MRPS6: variants seen among roughly 807,000 people sequenced by gnomAD.
MRPS6 encodes mitochondrial ribosomal protein S6, also known as small ribosomal subunit protein bS6m.
In MRPS6, 6 loss-of-function variants were observed where a neutral mutation model predicts 13.1. That is an observed-to-expected ratio of 0.46 (90% confidence interval 0.25 to 0.91). The LOEUF is 0.91. MRPS6 is among the 40% of genes least tolerant of loss of function. The pLI is 0.18. For synonymous variants in MRPS6, 61 were observed against 56.5 expected (o/e 1.08, Z -0.36); for missense variants, 164 against 155.6 (o/e 1.05, Z -0.29).
At chr21:34,122,369 TC>T (rs908509540) in intron 1 of MRPS6, 2 of 152,228 alleles carry the variant, frequency 1.3e-5, no homozygotes, top group Non-Finnish European at 2.9e-5. Context: ...CTTCCACCTT[TC>T]GTTTTATACT....
intron 1 of MRPS6, chr21:34,101,375 C>A (rs754253621): frequency 5.0e-6 from 5 of 1,000,068 alleles, no homozygotes; most frequent in Non-Finnish European, 6.0e-6. Flanking sequence ...AGTTTGTTAC[C>A]ACAGTAGAGA....
At chr21:34,113,647 C>G (rs1021278003) in intron 1 of MRPS6, among the ~76,000 whole-genome samples, 1 of 152,168 alleles carries the variant, frequency 6.6e-6, no homozygotes, top group Non-Finnish European at 1.5e-5. Context: ...TGCAGTTGGC[C>G]TAGTTGATGG....
At position 34,115,439 on chromosome 21, in the gene MRPS6, T is replaced by A. The variant is rs568938097; in HGVS notation, c.46-9902T>A. Among the ~76,000 whole-genome samples, 3 of 152,326 alleles carry A rather than the reference T, an allele frequency of 2.0e-5. No individual in the cohort carries two copies. In the East Asian group the frequency reaches 5.8e-4, roughly 29 times the overall value. On this transcript the variant is annotated intron_variant, in intron 1 of 2. Transcript: ENST00000399312. The stretch of plus-strand genomic sequence containing the variant: ...ATCACGTCTTTTTGGTGCACTCTGA[T>A]TCTGGGACCAGTACTTCTGGATTCC...
At chr21:34,130,582 TGTA>T (rs1286774576) in intron 2 of MRPS6, among the ~76,000 whole-genome samples, 41 of 152,160 alleles carry the variant, frequency 2.7e-4, no homozygotes, top group Non-Finnish European at 3.4e-4. Flanking sequence ...GTTTGGGCCA[TGTA>T]GTAGAGAGTT....
chr21:34,087,886 C>T (rs1978477535), intron 1 of MRPS6, among the ~76,000 whole-genome samples: 1 of 152,208 alleles, frequency 6.6e-6, no homozygotes, highest in Non-Finnish European at 1.5e-5. Flanking sequence ...CGCCAACAGG[C>T]TTTGCTGATG....
chr21:34,098,692 T>C (rs914922875), intron 1 of MRPS6: 6 of 999,666 alleles, frequency 6.0e-6, no homozygotes, highest in East Asian at 2.3e-4. Context: ...TTGTGGAGGG[T>C]ATTACAGGAC....
chr21:34,122,016 A>C (rs62212128), intron 1 of MRPS6, among the ~76,000 whole-genome samples: 2 of 152,260 alleles, frequency 1.3e-5, no homozygotes, highest in Admixed American at 1.3e-4. Context: ...TACACCCTCT[A>C]TACGTCAGTC....
chr21:34,094,627 TGAGGTA>T (rs1328733462), intron 1 of MRPS6, among the ~76,000 whole-genome samples: 1 of 152,258 alleles, frequency 6.6e-6, no homozygotes, highest in Non-Finnish European at 1.5e-5. Context: ...CACTTAGTTA[TGAGGTA>T]GATGAATTTC....
intron 1 of MRPS6, among the ~76,000 whole-genome samples, chr21:34,111,177 T>G (rs1979684226): frequency 6.6e-6 from 1 of 152,214 alleles, no homozygotes; most frequent in South Asian, 2.1e-4. Context: ...GCAGTATTGT[T>G]GGGGGTATTG....
At chr21:34,098,764 G>A (rs1979092062) in intron 1 of MRPS6, 1 of 1,000,206 alleles carries the variant, frequency 1.0e-6, no homozygotes, top group African/African-American at 1.7e-5. Flanking sequence ...AGTGGGTACA[G>A]GGTACAAAAG....
chr21:34,111,510 A>G (rs965103056), intron 1 of MRPS6, among the ~76,000 whole-genome samples: 1 of 152,216 alleles, frequency 6.6e-6, no homozygotes, highest in East Asian at 1.9e-4. Context: ...TGAAGTCTCA[A>G]AATCAGACAT....
chr21:34,113,415 A>G (rs773714580), intron 1 of MRPS6, among the ~76,000 whole-genome samples: 1 of 152,242 alleles, frequency 6.6e-6, no homozygotes, highest in Non-Finnish European at 1.5e-5. Flanking sequence ...CTGTGCAACA[A>G]CATGGATGAG....
At chr21:34,105,131 G>T (rs1207386711) in intron 1 of MRPS6, 1 of 1,000,022 alleles carries the variant, frequency 1.0e-6, no homozygotes, top group Non-Finnish European at 1.2e-6. Context: ...TCAGATGATG[G>T]TATGGAATTT....
intron 1 of MRPS6, chr21:34,099,905 T>C (rs1979157648): frequency 2.9e-6 from 1 of 347,864 alleles, no homozygotes; most frequent in Non-Finnish European, 4.3e-6. Context: ...AGTAAGTTTG[T>C]GAATTGCTGA....
chr21:34,114,773 C>T (rs1979837909), intron 1 of MRPS6, among the ~76,000 whole-genome samples: 1 of 152,278 alleles, frequency 6.6e-6, no homozygotes, highest in South Asian at 2.1e-4. Flanking sequence ...AACAAAGGTA[C>T]ATTATTATTG....
chr21:34,107,786 C>G (rs1979539745), intron 1 of MRPS6, among the ~76,000 whole-genome samples: 1 of 152,148 alleles, frequency 6.6e-6, no homozygotes, highest in Non-Finnish European at 1.5e-5. Flanking sequence ...TCAATGGTTT[C>G]TTTGTCCTTT....
chr21:34,093,392 C>T (rs927318223), intron 1 of MRPS6, among the ~76,000 whole-genome samples: 13 of 152,056 alleles, frequency 8.5e-5, no homozygotes, highest in African/African-American at 2.9e-4. Flanking sequence ...CATTTCTATC[C>T]AGGCAGTTTT....
chr21:34,135,953 T>C, intron 2 of MRPS6: 1 of 404,714 alleles, frequency 2.5e-6, no homozygotes. Context: ...TGCAGGGAAA[T>C]GTCACTGATC....
At chr21:34,102,111 G>A (rs2244724) in intron 1 of MRPS6, 650,366 of 999,282 alleles carry the variant, frequency 0.65, 212,636 homozygotes, top group East Asian at 0.79. Flanking sequence ...TTTTTCTTCT[G>A]TCAAGGTCAC....
Sources: allele counts gnomAD v4.1 joint callset (sites outside exome capture counted in the v4.1 genomes callset), GRCh38; gene constraint gnomAD v4.1.1; transcripts MANE v1.5; gene names NCBI Gene and HGNC (gene_info 2026-07-23, HGNC 2026-07-21).